The following NLRP5 variants were observed in gnomAD, a reference collection of about 807,000 sequenced individuals.
The protein encoded by NLRP5 is NACHT, LRR and PYD domains-containing protein 5.
In NLRP5, 93 loss-of-function variants were observed where a neutral mutation model predicts 113.1. That is an observed-to-expected ratio of 0.82 (90% CI 0.70 to 0.98). The LOEUF is 0.98. NLRP5 is among the 50% of genes least tolerant of loss of function. NLRP5 has a pLI of 0.00. For synonymous variants in NLRP5, 751 were observed against 600.7 expected (o/e 1.25, Z -3.66); for missense variants, 1,808 against 1,514.3 (o/e 1.19, Z -3.22).
upstream of NLRP5, among the ~76,000 whole-genome samples, chr19:55,995,993 G>A (rs1981312619): frequency 6.6e-6 from 1 of 151,796 alleles, no homozygotes; most frequent in Non-Finnish European, 1.5e-5. Flanking sequence ...ATTTTTGTAT[G>A]TTGATTCTGC....
At chr19:55,994,353 G>T in the NLRP5 span, among the ~76,000 whole-genome samples, 35 of 152,192 alleles carry the variant, frequency 2.3e-4, no homozygotes, top group East Asian at 6.8e-3. Context: ...CTGGGTATTA[G>T]TTCCTTGCCA....
chr19:56,009,724 G>C (rs1327162249), intron 3 of NLRP5, among the ~76,000 whole-genome samples: 2 of 152,138 alleles, frequency 1.3e-5, no homozygotes, highest in Admixed American at 6.6e-5. Flanking sequence ...TCTGCTACCT[G>C]CGCCGCTACC....
intron 13 of NLRP5, among the ~76,000 whole-genome samples, chr19:56,055,227 A>AGTG (rs1984088065): frequency 1.3e-5 from 2 of 151,528 alleles, no homozygotes; most frequent in Admixed American, 1.3e-4. Context: ...TCTGACCTCA[A>AGTG]GTGATCCGCC....
At chr19:56,041,119 G>T (rs1983507309) in intron 11 of NLRP5, 27 bp downstream of exon 11, 3 of 1,609,844 alleles carry the variant, frequency 1.9e-6, no homozygotes, top group African/African-American at 2.7e-5. Context: ...CCCCTGCAAG[G>T]ACTTCCTAGC....
chr19:56,007,717 T>C (rs1171070056), intron 2 of NLRP5, among the ~76,000 whole-genome samples: 1 of 149,822 alleles, frequency 6.7e-6, no homozygotes, highest in African/African-American at 2.5e-5. Flanking sequence ...TGCAAAAGTG[T>C]TGAGTGACCC....
chr19:56,018,914 C>T (rs1447702577), intron 4 of NLRP5, among the ~76,000 whole-genome samples: 1 of 152,178 alleles, frequency 6.6e-6, no homozygotes, highest in Non-Finnish European at 1.5e-5. Flanking sequence ...CTGCTTCAGC[C>T]TCCTGAGTAG....
the NLRP5 span, among the ~76,000 whole-genome samples, chr19:55,987,096 C>T: frequency 8.1e-3 from 1,239 of 152,332 alleles, 18 homozygotes; most frequent in South Asian, 0.037. Context: ...GGGCTGGGTG[C>T]AGTGGCTCAC....
At chr19:56,034,792 T>G (rs184358764) in intron 9 of NLRP5, among the ~76,000 whole-genome samples, 4 of 151,954 alleles carry the variant, frequency 2.6e-5, no homozygotes, top group African/African-American at 9.6e-5. Context: ...AGTACCACAG[T>G]TTAACCATTC....
Position 56,028,398 on chromosome 19 carries a change from C to T in NLRP5, c.2165C>T (p.Ala722Val). 6.2e-7 allele frequency: 1 copy of T among 1,613,960 alleles called. No individual in the cohort carries two copies. Among genetic ancestry groups the T allele is most frequent in the Non-Finnish European group, 8.5e-7 (1 of 1,179,884 alleles). Residue 722 changes from alanine (A) to valine (V), a missense_variant, in exon 7 of 15, where the codon GCA becomes GTA. Physicochemically the swap from Ala to Val is moderately conservative, Grantham distance 64. Transcript: ENST00000390649. Reference sequence around the variant, plus strand: ...ATTAACCAGAACCTGGACTTGATAGCATCTTCCTTCTGCCTCCAGCACTGT... The same window carrying T: ...ATTAACCAGAACCTGGACTTGATAGTATCTTCCTTCTGCCTCCAGCACTGT...
At chr19:56,051,714 C>T (rs888095666) in intron 12 of NLRP5, among the ~76,000 whole-genome samples, 1 of 152,114 alleles carries the variant, frequency 6.6e-6, no homozygotes, top group African/African-American at 2.4e-5. Flanking sequence ...CTTTAAAAAT[C>T]TCCTAAAATT....
intron 3 of NLRP5, among the ~76,000 whole-genome samples, chr19:56,014,924 T>A (rs1213090062): frequency 6.6e-6 from 1 of 152,188 alleles, no homozygotes; most frequent in African/African-American, 2.4e-5. Context: ...CAATCAGCTT[T>A]ACAATTTCTG....
intron 13 of NLRP5, among the ~76,000 whole-genome samples, chr19:56,055,443 CTT>C (rs957529581): frequency 1.3e-4 from 19 of 148,820 alleles, no homozygotes; most frequent in African/African-American, 4.4e-4. Flanking sequence ...TTTTATTAAA[CTT>C]TATCTTATTT....
At chr19:56,006,727 G>A (rs1027468909) in intron 2 of NLRP5, among the ~76,000 whole-genome samples, 12 of 150,894 alleles carry the variant, frequency 8.0e-5, no homozygotes, top group African/African-American at 1.9e-4. Flanking sequence ...GCGAGACTCC[G>A]TATTTAAAAT....
intron 2 of NLRP5, among the ~76,000 whole-genome samples, chr19:56,006,342 T>C (rs1305899677): frequency 6.6e-6 from 1 of 152,044 alleles, no homozygotes; most frequent in Non-Finnish European, 1.5e-5. Flanking sequence ...AGTTAATGGG[T>C]GCAGCACACC....
chr19:55,987,906 A>G, the NLRP5 span: 1 of 1,611,880 alleles, frequency 6.2e-7, no homozygotes, highest in Non-Finnish European at 8.5e-7. Context: ...TCCCAGATTA[A>G]TCCTTAGGCC....
intron 11 of NLRP5, among the ~76,000 whole-genome samples, chr19:56,043,513 T>C (rs977598996): frequency 6.7e-6 from 1 of 149,368 alleles, no homozygotes; most frequent in African/African-American, 2.5e-5. Context: ...TTTCTCCTAC[T>C]CTATGGATTG....
upstream of NLRP5, among the ~76,000 whole-genome samples, chr19:55,998,788 C>A: frequency 6.8e-6 from 1 of 146,906 alleles, no homozygotes; most frequent in South Asian, 2.2e-4. Context: ...TTGAAGCAAT[C>A]CTAAATCCAC....
Position 56,033,648 on chromosome 19 carries a change from G to A in NLRP5, c.2554G>A (p.Glu852Lys), listed in dbSNP as rs369105202. The change falls in exon 9 of 15, where the codon GAG becomes AAG. Residue 852 changes from glutamate (E) to lysine (K), a missense_variant. By Grantham distance (56) the Glu-to-Lys change is moderately conservative. Transcript: ENST00000390649. The stretch of plus-strand genomic sequence containing the variant: ...CTTGGGAGGCACCCACCTGAAGGAA[G>A]AGGATGTAAGGATGGCGTGTGAAGC... 1.5e-5 allele frequency: 24 copies of A among 1,613,864 alleles called. 1 individual carries two copies. The African/African-American group carries it at 3.2e-4, about 22-fold the overall frequency.
chr19:56,028,248 TG>T lies in NLRP5; in HGVS notation c.2018del (p.Gly673ValfsTer32). The T allele has an allele frequency of 6.2e-7, 1 of 1,613,892 alleles. No homozygotes were observed. Among genetic ancestry groups the T allele is most frequent in the African/African-American group, 1.3e-5 (1 of 75,034 alleles). On this transcript the variant is annotated frameshift_variant, in exon 7 of 15. Coordinates refer to ENST00000390649, the MANE Select transcript of NLRP5 (RefSeq NM_153447.4). LOFTEE classifies it high-confidence loss of function. ...AAGCTTCTGCACTGGGTCTCTCTGT[TG>T]GGTCAGCAGCCTAATGCCACCACCC... is the stretch of plus-strand genomic sequence containing the variant.
Sources: allele counts gnomAD v4.1 joint callset (sites outside exome capture counted in the v4.1 genomes callset), GRCh38; gene constraint gnomAD v4.1.1; transcripts MANE v1.5; gene names NCBI Gene and HGNC (gene_info 2026-07-23, HGNC 2026-07-21).